The following SEPTIN3 variants were observed in gnomAD, a reference collection of about 807,000 sequenced individuals.
SEPTIN3 encodes neuronal-specific septin-3.
A neutral mutation model predicts 45.1 loss-of-function variants in SEPTIN3; 15 were observed. That is an observed-to-expected ratio of 0.33 (90% confidence interval 0.22 to 0.51). The LOEUF is 0.51. Among genes scored for constraint, SEPTIN3 ranks in the 20% least tolerant of loss-of-function variants. The pLI is 0.97. For missense variants in SEPTIN3, 289 were observed against 457.2 expected (o/e 0.63, Z 3.35); for synonymous variants, 148 against 164.8 (o/e 0.90, Z 0.78).
At position 41,976,702 on chromosome 22, in the gene SEPTIN3, G is replaced by GGACCAGTTCCCGC. The variant is rs2078026483; in HGVS notation, c.1504+3707_1504+3719dup. The GGACCAGTTCCCGC allele has an allele frequency of 6.5e-6, 1 of 152,704 alleles. No homozygotes were observed. Among genetic ancestry groups the GGACCAGTTCCCGC allele is most frequent in the East Asian group, 1.9e-4 (1 of 5,174 alleles). 9.5% of individuals were successfully genotyped at this position (152,704 alleles called of 1,614,324 possible). On this transcript the variant is annotated intron_variant, in intron 2 of 11. Coordinates refer to ENST00000644076, the MANE Select transcript of SEPTIN3 (RefSeq NM_001363845.2). The surrounding 1 kb of genome is among the most constrained non-coding windows in gnomAD (Gnocchi z 5.8). The stretch of plus-strand genomic sequence containing the variant: ...CTGGACCGCCCGCAGCGTGGACCCG[G>GGACCAGTTCCCGC]GACCAGTTCCCGCTTGCGGGCGCGG...
At chr22:41,978,622 CTTTG>C (rs750035199) in intron 2 of SEPTIN3, among the ~76,000 whole-genome samples, 20 of 152,144 alleles carry the variant, frequency 1.3e-4, no homozygotes, top group Non-Finnish European at 1.5e-5. Flanking sequence ...CCCCAGAGGT[CTTTG>C]TTTATTTGTC....
At chr22:41,973,396 C>T (rs1473362902) in intron 2 of SEPTIN3, among the ~76,000 whole-genome samples, 2 of 151,906 alleles carry the variant, frequency 1.3e-5, no homozygotes, top group Non-Finnish European at 1.5e-5. Flanking sequence ...GTGGCTCACG[C>T]CTGTAATCCC....
intron 7 of SEPTIN3, among the ~76,000 whole-genome samples, chr22:41,990,668 C>T (rs959093674): frequency 4.0e-5 from 6 of 149,506 alleles, no homozygotes; most frequent in African/African-American, 1.5e-4. Flanking sequence ...ATGGCATGAA[C>T]CCGAGAGGCG....
intron 3 of SEPTIN3, among the ~76,000 whole-genome samples, chr22:41,985,426 G>A (rs959290940): frequency 1.3e-5 from 2 of 152,186 alleles, no homozygotes; most frequent in African/African-American, 2.4e-5. Flanking sequence ...TAGGGTTTGA[G>A]TTCCTGGTCT....
intron 11 of SEPTIN3, chr22:41,996,278 A>C: frequency 1.0e-6 from 1 of 985,274 alleles, no homozygotes; most frequent in Non-Finnish European, 1.2e-6. Flanking sequence ...TTTTCCTTTA[A>C]TCTGTAAGAT....
At chr22:41,993,125 G>A (rs1259905855) in intron 9 of SEPTIN3, among the ~76,000 whole-genome samples, 1 of 152,220 alleles carries the variant, frequency 6.6e-6, no homozygotes, top group Non-Finnish European at 1.5e-5. Flanking sequence ...ATGAATGGAT[G>A]TGACCCTGGG....
chr22:41,971,363 G>A (rs999146507), intron 1 of SEPTIN3, 111 bp from the exon 2 acceptor site: 1 of 397,762 alleles, frequency 2.5e-6, no homozygotes, highest in African/African-American at 2.1e-5. Context: ...CCAGAACCAG[G>A]CCCCTTCAGA....
At position 41,972,925 on chromosome 22, in the gene SEPTIN3, T is replaced by C. The variant is rs1309596531; in HGVS notation, c.1433T>C (p.Leu478Pro). ...CCAAGCAGATCCACAGACCTAGCCC[T>C]GGACAACACTAATGCTGCCATGGAC... ...LMPSRSTDLA[L>P]DNTNAAMDRA... The change falls in exon 2 of 12, where the codon CTG becomes CCG. Residue 478 changes from leucine to proline, a missense_variant. Leu to Pro is a moderately conservative substitution (Grantham distance 98). Coordinates refer to ENST00000644076, the MANE Select transcript of SEPTIN3 (RefSeq NM_001363845.2). 3 of 399,160 alleles carry C rather than the reference T, an allele frequency of 7.5e-6. No homozygotes were observed. The highest frequency in any genetic ancestry group is 1.3e-5 in the Non-Finnish European group (3 of 226,208). The allele number at this position is 399,160 out of a possible 1,614,324, so 24.7% of individuals were successfully genotyped here. A position where few individuals can be genotyped will look rare whatever the true frequency, so the allele number is the denominator to read the frequency against.
At chr22:41,975,522 T>G (rs1226081245) in intron 2 of SEPTIN3, among the ~76,000 whole-genome samples, 1 of 152,124 alleles carries the variant, frequency 6.6e-6, no homozygotes, top group Non-Finnish European at 1.5e-5. Context: ...AGTGCAGATG[T>G]GGGCAGCCAG....
chr22:41,997,178 G>A lies in SEPTIN3; in HGVS notation c.*211G>A. 3.4e-6 allele frequency: 3 copies of A among 889,070 alleles called. No individual in the cohort carries two copies. The South Asian group carries it at 5.3e-5, about 16-fold the overall frequency. The allele number at this position is 889,070 out of a possible 1,614,324, so 55.1% of individuals were successfully genotyped here. ...CTCCCAGTGGAGTGGGGTTCTGCCA[G>A]TACAGCCCTACTGCATCATCTGCGT... is the stretch of plus-strand genomic sequence containing the variant. On this transcript the variant is annotated 3_prime_UTR_variant, in exon 12 of 12. Coordinates refer to ENST00000644076, the MANE Select transcript of SEPTIN3 (RefSeq NM_001363845.2).
Position 41,994,685 on chromosome 22 carries a change from C to T in SEPTIN3, c.2476C>T (p.Arg826Trp), listed in dbSNP as rs775042669. ...CCACTATGAGACTTACAGGGCCAAG[C>T]GGCTCAATGACAATGGAGGCCTCCC... ...NIHYETYRAK[R>W]LNDNGGLPPG... The change falls in exon 11 of 12, where the codon CGG becomes TGG. Residue 826 changes from arginine to tryptophan, a missense_variant. Transcript: ENST00000644076. The surrounding 1 kb of genome is among the most constrained non-coding windows in gnomAD (Gnocchi z 4.2). 40 of 1,614,008 alleles carry T rather than the reference C, an allele frequency of 2.5e-5. No homozygotes were observed. Among genetic ancestry groups the T allele is most frequent in the Admixed American group, 3.3e-5 (2 of 59,994 alleles).
chr22:41,987,430 G>C, intron 5 of SEPTIN3, 143 bp downstream of exon 5: 4 of 1,076,146 alleles, frequency 3.7e-6, no homozygotes, highest in Non-Finnish European at 5.4e-6. Context: ...CCCCTGGGGA[G>C]CTCCACCCCT....
At chr22:41,978,199 G>C (rs569576273) in intron 2 of SEPTIN3, among the ~76,000 whole-genome samples, 1 of 152,330 alleles carries the variant, frequency 6.6e-6, no homozygotes, top group South Asian at 2.1e-4. Context: ...TCTGCATGGG[G>C]AGAAGCATCT....
At chr22:41,990,530 A>AG (rs2078292183) in intron 7 of SEPTIN3, among the ~76,000 whole-genome samples, 1 of 146,850 alleles carries the variant, frequency 6.8e-6, no homozygotes, top group Admixed American at 6.7e-5. Context: ...TGAATCACGA[A>AG]GTCAGGAGAT....
At position 41,990,549 on chromosome 22, in the gene SEPTIN3, T is replaced by G. The variant is rs553292296; in HGVS notation, c.2163+865T>G. ...TCACGAAGTCAGGAGATCAAGACCA[T>G]CCTGGCTAACACGGTGAAACCCCGT... On this transcript the variant is annotated intron_variant, in intron 7 of 11. Transcript: ENST00000644076. 3.5e-3 allele frequency among the ~76,000 whole-genome samples: 493 copies of G among 138,978 alleles called. 1 individual carries two copies. Among genetic ancestry groups the G allele is most frequent in the African/African-American group, 0.012 (459 of 37,426 alleles). 91.2% of individuals were successfully genotyped at this position (138,978 alleles called of 152,430 possible). A position where few individuals can be genotyped will look rare whatever the true frequency, so the allele number is the denominator to read the frequency against.
chr22:41,972,114 G>C lies in SEPTIN3; in HGVS notation c.622G>C (p.Glu208Gln). 1 of 399,108 alleles carries C rather than the reference G, an allele frequency of 2.5e-6. No homozygotes were observed. Among genetic ancestry groups the C allele is most frequent in the Non-Finnish European group, 4.4e-6 (1 of 226,110 alleles). 24.7% of individuals were successfully genotyped at this position (399,108 alleles called of 1,614,324 possible). A position where few individuals can be genotyped will look rare whatever the true frequency, so the allele number is the denominator to read the frequency against. ...RLAQSAPVLA[E>Q]PGSLGQGHLV... is the part of the protein sequence containing the mutation. ...AGCCCAGAGTGCACCAGTCCTTGCA[G>C]AGCCAGGCTCGTTGGGCCAGGGGCA... The change falls in exon 2 of 12, where the codon GAG (glutamate) becomes CAG (glutamine). Residue 208 changes from glutamate (E) to glutamine (Q), a missense_variant. Transcript: ENST00000644076.
intron 8 of SEPTIN3, among the ~76,000 whole-genome samples, chr22:41,992,105 C>T (rs1042845377): frequency 4.6e-5 from 7 of 152,036 alleles, no homozygotes; most frequent in Non-Finnish European, 8.8e-5. Flanking sequence ...ATTGGCTGGG[C>T]GTGGTGACTC....
intron 4 of SEPTIN3, among the ~76,000 whole-genome samples, chr22:41,986,434 G>A (rs539432833): frequency 2.0e-5 from 3 of 151,888 alleles, no homozygotes; most frequent in South Asian, 2.1e-4. Flanking sequence ...TGGGAGGATC[G>A]CTTGAGTCAT....
chr22:41,987,007 T>A (rs979767593), intron 4 of SEPTIN3, among the ~76,000 whole-genome samples, 199 bp from the exon 5 acceptor site: 2 of 151,390 alleles, frequency 1.3e-5, no homozygotes, highest in African/African-American at 4.9e-5. Context: ...GAAAAAGAAA[T>A]GAGTAGAGAG....
Sources: allele counts gnomAD v4.1 joint callset (sites outside exome capture counted in the v4.1 genomes callset), GRCh38; gene constraint gnomAD v4.1.1; non-coding constraint Gnocchi (gnomAD v3.1); transcripts MANE v1.5; gene names NCBI Gene and HGNC (gene_info 2026-07-23, HGNC 2026-07-21).